ARHGAP24: variants seen among roughly 807,000 people sequenced by gnomAD.
The protein encoded by ARHGAP24 is Rho GTPase activating protein 24.
ARHGAP24 carries 50 observed loss-of-function variants against 76.4 expected under a neutral mutation model. The ratio of observed to expected loss-of-function variants is 0.65; its 90% CI spans 0.52 to 0.83. The LOEUF (loss-of-function observed/expected upper bound fraction) is 0.83, where lower values mean the gene tolerates loss of function less well. Among genes scored for constraint, ARHGAP24 ranks in the 40% least tolerant of loss-of-function variants. The pLI, the probability that ARHGAP24 is intolerant of heterozygous loss-of-function variation, is 0.00. For synonymous variants in ARHGAP24, 345 were observed against 323.3 expected (o/e 1.07, Z -0.72); for missense variants, 930 against 914.2 (o/e 1.02, Z -0.22).
At chr4:85,840,783 T>G (rs1730557513) in intron 3 of ARHGAP24, among the ~76,000 whole-genome samples, 1 of 152,190 alleles carries the variant, frequency 6.6e-6, no homozygotes, top group Admixed American at 6.6e-5. Flanking sequence ...TTAAGTTGTG[T>G]TAAAGTTGCC....
chr4:85,552,824 A>G (rs528108069), intron 1 of ARHGAP24, among the ~76,000 whole-genome samples: 1 of 152,294 alleles, frequency 6.6e-6, no homozygotes, highest in African/African-American at 2.4e-5. Context: ...CTGTTTTACT[A>G]AAATTAGGAT....
chr4:85,516,642 T>A (rs1341221653), intron 1 of ARHGAP24, among the ~76,000 whole-genome samples: 1 of 151,256 alleles, frequency 6.6e-6, no homozygotes, highest in Middle Eastern at 3.2e-3. Context: ...ATTTTGTGGG[T>A]TTTTTTCTTA....
chr4:85,534,889 G>A (rs1031431461), intron 1 of ARHGAP24, among the ~76,000 whole-genome samples: 10 of 149,996 alleles, frequency 6.7e-5, no homozygotes, highest in Non-Finnish European at 1.2e-4. Context: ...AAGACACCTG[G>A]CTAAGGTCCG....
At chr4:85,614,124 A>G (rs1412001786) in intron 2 of ARHGAP24, among the ~76,000 whole-genome samples, 2 of 152,226 alleles carry the variant, frequency 1.3e-5, no homozygotes, top group Admixed American at 6.5e-5. Flanking sequence ...TGACACAAAC[A>G]TGAAGAACTC....
intron 8 of ARHGAP24, among the ~76,000 whole-genome samples, chr4:85,982,347 G>A (rs901879899): frequency 9.2e-6 from 1 of 108,376 alleles, no homozygotes; most frequent in Non-Finnish European, 2.0e-5. Flanking sequence ...ATTGTGTAAG[G>A]GATAGGTGCA....
At chr4:85,778,385 A>G (rs1244422163) in intron 3 of ARHGAP24, among the ~76,000 whole-genome samples, 1 of 152,216 alleles carries the variant, frequency 6.6e-6, no homozygotes, top group South Asian at 2.1e-4. Flanking sequence ...AGGAAAAGGC[A>G]AACTATTTCC....
At chr4:85,665,707 C>T (rs1722588269) in intron 2 of ARHGAP24, among the ~76,000 whole-genome samples, 1 of 152,136 alleles carries the variant, frequency 6.6e-6, no homozygotes, top group South Asian at 2.1e-4. Context: ...TAGGGCAGGC[C>T]TGGTGGTGAC....
At chr4:85,998,172 T>C (rs1389334399) in intron 9 of ARHGAP24, among the ~76,000 whole-genome samples, 1 of 152,218 alleles carries the variant, frequency 6.6e-6, no homozygotes, top group Non-Finnish European at 1.5e-5. Flanking sequence ...AAAGATACTT[T>C]AAAATTTCCT....
intron 4 of ARHGAP24, among the ~76,000 whole-genome samples, chr4:85,940,419 A>T (rs1270111493): frequency 1.3e-5 from 2 of 152,010 alleles, no homozygotes; most frequent in Non-Finnish European, 2.9e-5. Flanking sequence ...ACAATTACAG[A>T]TGTCTTCCCT....
At chr4:85,834,724 G>A (rs1400364817) in intron 3 of ARHGAP24, among the ~76,000 whole-genome samples, 1 of 152,176 alleles carries the variant, frequency 6.6e-6, no homozygotes, top group Non-Finnish European at 1.5e-5. Context: ...TGCCAGGATG[G>A]GATGAAGGCC....
intron 8 of ARHGAP24, among the ~76,000 whole-genome samples, chr4:85,982,029 C>T (rs1739698143): frequency 1.3e-5 from 2 of 151,934 alleles, no homozygotes; most frequent in South Asian, 2.1e-4. Flanking sequence ...TTTGTCTCGA[C>T]CAACATGTAT....
At chr4:85,518,709 T>C (rs1259577673) in intron 1 of ARHGAP24, among the ~76,000 whole-genome samples, 1 of 152,210 alleles carries the variant, frequency 6.6e-6, no homozygotes, top group Non-Finnish European at 1.5e-5. Flanking sequence ...TTATTTTTCA[T>C]GGCTGTGTAG....
intron 1 of ARHGAP24, among the ~76,000 whole-genome samples, chr4:85,513,773 G>A (rs1002368019): frequency 6.6e-6 from 1 of 152,036 alleles, no homozygotes; most frequent in Admixed American, 6.6e-5. Flanking sequence ...CTTCTTCTTT[G>A]TGGTTTCTCT....
At chr4:85,774,588 A>G (rs1475893615) in intron 3 of ARHGAP24, among the ~76,000 whole-genome samples, 2 of 152,202 alleles carry the variant, frequency 1.3e-5, no homozygotes, top group Non-Finnish European at 2.9e-5. Flanking sequence ...AAATGTAATC[A>G]CATATCTAGT....
chr4:85,716,468 A>G (rs1482554939), intron 2 of ARHGAP24, among the ~76,000 whole-genome samples: 1 of 152,108 alleles, frequency 6.6e-6, no homozygotes, highest in Non-Finnish European at 1.5e-5. Flanking sequence ...CTGGTTAATT[A>G]TTGTCATGAA....
At chr4:85,588,522 C>T (rs1317085641) in intron 2 of ARHGAP24, among the ~76,000 whole-genome samples, 1 of 152,096 alleles carries the variant, frequency 6.6e-6, no homozygotes, top group African/African-American at 2.4e-5. Context: ...CTTATTGTGA[C>T]CCCTTGAGTC....
intron 3 of ARHGAP24, among the ~76,000 whole-genome samples, chr4:85,832,742 G>T (rs345365): frequency 0.82 from 124,286 of 152,074 alleles, 52,735 homozygotes; most frequent in Non-Finnish European, 0.95. Flanking sequence ...TTCTAAAATG[G>T]TTGAAGGTTT....
intron 3 of ARHGAP24, among the ~76,000 whole-genome samples, chr4:85,826,362 A>C (rs1295243491): frequency 6.6e-6 from 1 of 152,188 alleles, no homozygotes; most frequent in Non-Finnish European, 1.5e-5. Flanking sequence ...CATGCACGTG[A>C]GCATTTTCTC....
intron 5 of ARHGAP24, among the ~76,000 whole-genome samples, chr4:85,952,535 GAGAAAAAAAC>G (rs1462416814): frequency 6.6e-6 from 1 of 152,202 alleles, no homozygotes; most frequent in Non-Finnish European, 1.5e-5. Context: ...AAGGTGGTGT[GAGAAAAAAAC>G]ATTTGAAATT....
Sources: gnomAD v4.1 joint callset for allele counts (sites outside exome capture counted in the v4.1 genomes callset) on GRCh38, gnomAD v4.1.1 for gene constraint, MANE v1.5 for transcripts, NCBI Gene and HGNC (gene_info 2026-07-23, HGNC 2026-07-21) for gene names.